Variants in NRG4 observed in about 807,000 individuals in gnomAD.
The protein encoded by NRG4 is neuregulin 4, also known as pro-neuregulin-4, membrane-bound isoform.
NRG4 carries 10 observed loss-of-function variants against 15.0 expected under a neutral mutation model. The observed-to-expected ratio is 0.67, with a 90% CI of 0.41 to 1.13. The LOEUF is 1.13. Among genes scored for constraint, NRG4 ranks in the 50% most tolerant of loss-of-function variants. The pLI, the probability that NRG4 is intolerant of heterozygous loss-of-function variation, is 0.00. For synonymous variants in NRG4, 41 were observed against 50.1 expected, an observed-to-expected ratio of 0.82 and a Z score of 0.77; for missense variants, 139 against 140.2, an observed-to-expected ratio of 0.99 and a Z score of 0.04.
rs1019992006 is a variant in NRG4, at chr15:75,974,888, A to T, written c.105-12914T>A. 3.3e-5 allele frequency among the ~76,000 whole-genome samples: 5 copies of T among 151,006 alleles called. No homozygotes were observed. In the South Asian group the frequency reaches 1.0e-3, roughly 31 times the overall value. ...ATTAGGTCTGCTTGGTCCAGAGCTT[A>T]GTTCAAGTTCTGAATATCCTTGTTA... On this transcript the variant is annotated intron_variant, in intron 3 of 5. Coordinates refer to ENST00000394907, the MANE Select transcript of NRG4 (RefSeq NM_138573.4).
chr15:76,051,001 A>ATTTATT (rs1555441918), intron 4 of NRG4, among the ~76,000 whole-genome samples: 1 of 145,268 alleles, frequency 6.9e-6, no homozygotes, highest in Non-Finnish European at 1.5e-5. Context: ...TTATTTATTT[A>ATTTATT]TTTATTTTTA....
intron 5 of NRG4, among the ~76,000 whole-genome samples, chr15:75,950,232 A>C (rs899022334): frequency 1.3e-5 from 2 of 152,172 alleles, no homozygotes; most frequent in Admixed American, 1.3e-4. Context: ...AGATTCTATC[A>C]TTAATAATTT....
chr15:75,988,720 A>T (rs1333272855), intron 3 of NRG4, among the ~76,000 whole-genome samples: 2 of 152,188 alleles, frequency 1.3e-5, no homozygotes, highest in Admixed American at 1.3e-4. Flanking sequence ...CTGAATCAAC[A>T]TGGAGAAGTC....
At chr15:76,031,337 C>T (rs555766563) in intron 5 of NRG4, among the ~76,000 whole-genome samples, 2 of 152,284 alleles carry the variant, frequency 1.3e-5, no homozygotes, top group African/African-American at 4.8e-5. Flanking sequence ...CTATTTCTAT[C>T]ACCACTATAC....
upstream of NRG4, among the ~76,000 whole-genome samples, chr15:76,060,187 G>A (rs949839408): frequency 8.6e-5 from 13 of 151,986 alleles, no homozygotes; most frequent in African/African-American, 3.1e-4. Context: ...GCCAGGCGAG[G>A]GTGCGTGGGG....
At chr15:75,988,917 G>GTGTCATCA (rs2033903971) in intron 3 of NRG4, among the ~76,000 whole-genome samples, 6 of 149,440 alleles carry the variant, frequency 4.0e-5, no homozygotes, top group Non-Finnish European at 8.9e-5. Flanking sequence ...AGTGGCAGTG[G>GTGTCATCA]TGTCATCATA....
At chr15:75,992,287 G>A (rs540026469) in intron 3 of NRG4, among the ~76,000 whole-genome samples, 98 of 152,106 alleles carry the variant, frequency 6.4e-4, no homozygotes, top group African/African-American at 2.3e-3. Flanking sequence ...TTATATTTAC[G>A]CATATTTTTA....
chr15:76,041,560 GACA>G (rs2035739003), intron 4 of NRG4, among the ~76,000 whole-genome samples: 1 of 152,020 alleles, frequency 6.6e-6, no homozygotes, highest in Non-Finnish European at 1.5e-5. Context: ...TAGATTCCAT[GACA>G]AAAACTTTTA....
intron 4 of NRG4, among the ~76,000 whole-genome samples, chr15:75,958,870 T>C (rs1377841603): frequency 6.6e-6 from 1 of 152,238 alleles, no homozygotes; most frequent in Non-Finnish European, 1.5e-5. Context: ...CTCTGGGGCA[T>C]TGAACACCTG....
intron 5 of NRG4, among the ~76,000 whole-genome samples, chr15:75,952,750 A>G (rs961289088): frequency 2.6e-5 from 4 of 151,990 alleles, no homozygotes; most frequent in African/African-American, 9.7e-5. Flanking sequence ...TCATTTCCTG[A>G]TGGCTAATGA....
At chr15:75,959,626 T>C (rs1405904906) in intron 4 of NRG4, among the ~76,000 whole-genome samples, 2 of 152,182 alleles carry the variant, frequency 1.3e-5, no homozygotes, top group South Asian at 2.1e-4. Flanking sequence ...TCCCGAGTAG[T>C]TGGGAATACA....
At chr15:76,022,804 T>C (rs1215787197) in intron 5 of NRG4, among the ~76,000 whole-genome samples, 1 of 152,138 alleles carries the variant, frequency 6.6e-6, no homozygotes, top group Non-Finnish European at 1.5e-5. Context: ...ACATCAACAT[T>C]TTAGAAAATT....
upstream of NRG4, among the ~76,000 whole-genome samples, chr15:76,016,180 A>C (rs532788043): frequency 7.5e-4 from 114 of 152,198 alleles, no homozygotes; most frequent in Non-Finnish European, 1.3e-3. Flanking sequence ...TTTCTGTGGG[A>C]TCAGTGGTAA....
chr15:75,948,368 C>T (rs1392006922), intron 5 of NRG4, among the ~76,000 whole-genome samples: 1 of 151,700 alleles, frequency 6.6e-6, no homozygotes, highest in Non-Finnish European at 1.5e-5. Context: ...CTCGTGATCT[C>T]GGCTCACTTC....
rs879606945 is a variant in NRG4, at chr15:75,944,765, GT to G, written c.332-1112del. 8.6e-3 allele frequency among the ~76,000 whole-genome samples: 1,289 copies of G among 150,464 alleles called. 5 individuals carry two copies. The highest frequency in any genetic ancestry group is 9.1e-3 in the Admixed American group (139 of 15,196). On this transcript the variant is annotated intron_variant, in intron 5 of 5. Coordinates refer to ENST00000394907, the MANE Select transcript of NRG4 (RefSeq NM_138573.4). ...TTTAGTAAAAGGCTTTTGTGTGTGT[GT>G]GTGGGGGGGTGGTTATTTGCTTATA... is the stretch of plus-strand genomic sequence containing the variant.
At chr15:75,975,168 G>A (rs76428135) in intron 3 of NRG4, among the ~76,000 whole-genome samples, 6,020 of 152,134 alleles carry the variant, frequency 0.04, 217 homozygotes, top group African/African-American at 0.094. Flanking sequence ...GACTAAGATT[G>A]TAACCCCTTT....
At chr15:76,029,359 G>A (rs1032146463) in intron 5 of NRG4, among the ~76,000 whole-genome samples, 2 of 151,970 alleles carry the variant, frequency 1.3e-5, no homozygotes, top group Non-Finnish European at 2.9e-5. Flanking sequence ...CAGATGGACT[G>A]GAAGAAGACA....
In NRG4 at chr15:75,943,629, G is replaced by C. The variant is rs370076352; in HGVS notation, c.*9C>G. The C allele has an allele frequency of 1.3e-6, 2 of 1,547,014 alleles. No homozygotes were observed. Among genetic ancestry groups the C allele is most frequent in the Non-Finnish European group, 1.8e-6 (2 of 1,121,098 alleles). ...TAAAAACAATGATTTGGTTCACTTT[G>C]ACGTTTCTTCAGTGTTGTTCATGAC... is the stretch of plus-strand genomic sequence containing the variant. On this transcript the variant is annotated 3_prime_UTR_variant, in exon 6 of 6. Transcript: ENST00000394907.
intron 5 of NRG4, among the ~76,000 whole-genome samples, chr15:75,951,737 A>G (rs1179419697): frequency 6.6e-6 from 1 of 151,910 alleles, no homozygotes; most frequent in Non-Finnish European, 1.5e-5. Context: ...TACCCTCCCA[A>G]TCTTTGTATT....
Sources: gnomAD v4.1 joint callset for allele counts (sites outside exome capture counted in the v4.1 genomes callset) on GRCh38, gnomAD v4.1.1 for gene constraint, MANE v1.5 for transcripts, NCBI Gene and HGNC (gene_info 2026-07-23, HGNC 2026-07-21) for gene names.